Variants in PHACTR3 observed in about 807,000 individuals in gnomAD.
The protein encoded by PHACTR3 is protein phosphatase 1, regulatory subunit 123.
A neutral mutation model predicts 66.8 loss-of-function variants in PHACTR3; 16 were observed. The observed-to-expected ratio is 0.24, with a 90% CI of 0.16 to 0.36. PHACTR3 has a LOEUF of 0.36. Among genes scored for constraint, PHACTR3 ranks in the 10% least tolerant of loss-of-function variants. The pLI is 1.00. For synonymous variants in PHACTR3, 323 were observed against 292.1 expected (o/e 1.11, Z -1.08); for missense variants, 647 against 719.9 (o/e 0.90, Z 1.16).
chr20:59,628,945 C>A, intron 1 of PHACTR3: 1 of 392,334 alleles, frequency 2.5e-6, no homozygotes, highest in Non-Finnish European at 3.5e-6. Context: ...TTCCATGGTT[C>A]ACTGGTTGGC....
chr20:59,821,712 A>G (rs1274395595), intron 8 of PHACTR3, among the ~76,000 whole-genome samples: 1 of 152,184 alleles, frequency 6.6e-6, no homozygotes, highest in Non-Finnish European at 1.5e-5. Flanking sequence ...GTGAATGGAA[A>G]GCATTCTGTC....
chr20:59,618,553 CT>C (rs971125311), intron 1 of PHACTR3, among the ~76,000 whole-genome samples: 6 of 152,170 alleles, frequency 3.9e-5, no homozygotes, highest in Non-Finnish European at 8.8e-5. Flanking sequence ...GGAGGAAGAT[CT>C]GTGCAGGAGA....
At chr20:59,747,859 T>C (rs199508185) in intron 3 of PHACTR3, 24 bp downstream of exon 3, 1 of 1,610,718 alleles carries the variant, frequency 6.2e-7, no homozygotes, top group Non-Finnish European at 8.5e-7. Context: ...GTCCCTGGCT[T>C]GGAAGGGCAC....
At chr20:59,735,381 T>G (rs1022010799) in intron 1 of PHACTR3, among the ~76,000 whole-genome samples, 6 of 152,076 alleles carry the variant, frequency 3.9e-5, no homozygotes, top group African/African-American at 1.4e-4. Context: ...AAAAATTATT[T>G]TGCAATATTA....
At chr20:59,690,118 A>G (rs1437439675) in intron 1 of PHACTR3, among the ~76,000 whole-genome samples, 1 of 151,972 alleles carries the variant, frequency 6.6e-6, no homozygotes, top group African/African-American at 2.4e-5. Flanking sequence ...AAAACAAAAC[A>G]CCCAAATTCC....
chr20:59,605,152 C>A lies in PHACTR3; in HGVS notation c.118+20C>A. 3 of 262,404 alleles carry A rather than the reference C, an allele frequency of 1.1e-5. No homozygotes were observed. Among genetic ancestry groups the A allele is most frequent in the South Asian group, 5.3e-5 (1 of 18,902 alleles). 16.3% of individuals were successfully genotyped at this position (262,404 alleles called of 1,614,324 possible). A position where few individuals can be genotyped will look rare whatever the true frequency, so the allele number is the denominator to read the frequency against. ...ACCCAGGTAACGGGCTGGGCGGGGG[C>A]GGCGGGCGGGTCGGGGAGGCCCGAG... is the stretch of plus-strand genomic sequence containing the variant. On this transcript the variant is annotated intron_variant, in intron 1 of 12. Transcript: ENST00000371015.
rs71183177 is a variant in PHACTR3, at chr20:59,622,981, C to CAAAAA, written c.118+17865_118+17869dup. Among the ~76,000 whole-genome samples the CAAAAA allele has an allele frequency of 6.3e-3, 204 of 32,210 alleles. 27 individuals are homozygous for CAAAAA. Among genetic ancestry groups the CAAAAA allele is most frequent in the East Asian group, 0.022 (44 of 1,978 alleles). 21.1% of individuals were successfully genotyped at this position (32,210 alleles called of 152,430 possible). A position where few individuals can be genotyped will look rare whatever the true frequency, so the allele number is the denominator to read the frequency against. The stretch of plus-strand genomic sequence containing the variant: ...ATTCTAATTTTACAGCAGCTTTAAC[C>CAAAAA]AAAAAAAAAAAAAAAAAAAACCCAA... On this transcript the variant is annotated intron_variant, in intron 1 of 12. Coordinates refer to ENST00000371015, the MANE Select transcript of PHACTR3 (RefSeq NM_080672.5).
At chr20:59,764,042 A>C (rs896502883) in intron 4 of PHACTR3, among the ~76,000 whole-genome samples, 1 of 152,164 alleles carries the variant, frequency 6.6e-6, no homozygotes, top group African/African-American at 2.4e-5. Context: ...AATATTTTAG[A>C]TCTTGTTGGG....
At chr20:59,696,423 C>T (rs188954795) in intron 1 of PHACTR3, among the ~76,000 whole-genome samples, 1 of 152,274 alleles carries the variant, frequency 6.6e-6, no homozygotes, top group African/African-American at 2.4e-5. Flanking sequence ...GTGACCATCT[C>T]AGGCCCGTCG....
At chr20:59,577,683 G>T (rs1287398344) in intron 1 of PHACTR3, 3 of 1,058,578 alleles carry the variant, frequency 2.8e-6, no homozygotes, top group Non-Finnish European at 2.4e-6. Flanking sequence ...GGCACGAGGC[G>T]CTGGGGGACG....
chr20:59,621,565 C>A (rs1480288705), intron 1 of PHACTR3, among the ~76,000 whole-genome samples: 2 of 152,248 alleles, frequency 1.3e-5, no homozygotes, highest in African/African-American at 4.8e-5. Flanking sequence ...GTCTTTCTTG[C>A]CCTCGTGGAT....
chr20:59,837,596 A>G (rs1277889669), intron 9 of PHACTR3, among the ~76,000 whole-genome samples: 1 of 152,252 alleles, frequency 6.6e-6, no homozygotes, highest in Non-Finnish European at 1.5e-5. Flanking sequence ...TATGTTAACT[A>G]TACCATCTCT....
intron 1 of PHACTR3, among the ~76,000 whole-genome samples, chr20:59,638,857 A>T (rs925606571): frequency 1.5e-5 from 2 of 137,346 alleles, no homozygotes; most frequent in Admixed American, 1.5e-4. Flanking sequence ...GGCTAGGTAG[A>T]TATATGAGTG....
intron 8 of PHACTR3, among the ~76,000 whole-genome samples, chr20:59,815,094 C>T (rs529902819): frequency 1.3e-5 from 2 of 152,240 alleles, no homozygotes; most frequent in African/African-American, 4.8e-5. Context: ...AGGGAACCCT[C>T]GACTCGAAGA....
intron 1 of PHACTR3, among the ~76,000 whole-genome samples, chr20:59,740,594 C>A (rs947128236): frequency 5.3e-5 from 8 of 152,238 alleles, no homozygotes; most frequent in African/African-American, 1.7e-4. Flanking sequence ...ACTGTACTGG[C>A]CTTCCCAGAA....
intron 8 of PHACTR3, among the ~76,000 whole-genome samples, chr20:59,823,746 C>T (rs1027169331): frequency 1.3e-5 from 2 of 152,194 alleles, no homozygotes; most frequent in African/African-American, 2.4e-5. Context: ...CTCTCTCCCA[C>T]GCAAACTGCA....
intron 1 of PHACTR3, among the ~76,000 whole-genome samples, chr20:59,682,479 G>A (rs2036699065): frequency 6.6e-6 from 1 of 152,212 alleles, no homozygotes; most frequent in Admixed American, 6.5e-5. Context: ...TGGAGCTTGT[G>A]TGCTAGTGGG....
chr20:59,838,046 C>T (rs2148804), intron 9 of PHACTR3, among the ~76,000 whole-genome samples: 12,212 of 152,236 alleles, frequency 0.08, 960 homozygotes, highest in African/African-American at 0.2. Context: ...ACTGCCCTTA[C>T]CTTCAGTGCA....
chr20:59,590,861 C>G (rs1472129255), intron 1 of PHACTR3, among the ~76,000 whole-genome samples: 1 of 152,086 alleles, frequency 6.6e-6, no homozygotes, highest in African/African-American at 2.4e-5. Context: ...CTCCCTGGAC[C>G]CTCTTTTATA....
Sources: allele counts gnomAD v4.1 joint callset (sites outside exome capture counted in the v4.1 genomes callset), GRCh38; gene constraint gnomAD v4.1.1; transcripts MANE v1.5; gene names NCBI Gene and HGNC (gene_info 2026-07-23, HGNC 2026-07-21).